The following UBE3D variants were observed in gnomAD, a reference collection of about 807,000 sequenced individuals.
UBE3D encodes the protein E3 ubiquitin-protein ligase E3D.
A neutral mutation model predicts 49.6 loss-of-function variants in UBE3D; 48 were observed. That is an observed-to-expected ratio of 0.97 (90% CI 0.77 to 1.23). UBE3D has a LOEUF of 1.23. Ranked by LOEUF, UBE3D falls within the 50% of genes most tolerant of loss-of-function variation. UBE3D has a pLI of 0.00. For missense variants in UBE3D, 452 were observed against 468.4 expected, an observed-to-expected ratio of 0.96 and a Z score of 0.32; for synonymous variants, 189 against 174.2, an observed-to-expected ratio of 1.08 and a Z score of -0.67.
chr6:82,935,000 CAA>C, intron 9 of UBE3D, among the ~76,000 whole-genome samples: 1 of 84,336 alleles, frequency 1.2e-5, no homozygotes, highest in Non-Finnish European at 2.7e-5. Flanking sequence ...AAGGAGAATG[CAA>C]GAATGACTCT....
At chr6:82,891,833 C>G (rs1345103443), downstream of UBE3D, among the ~76,000 whole-genome samples, 2 of 152,152 alleles carry the variant, frequency 1.3e-5, no homozygotes, top group Non-Finnish European at 2.9e-5. Context: ...CGAGACCAGC[C>G]TGGCCAATAT....
rs930167109 is a variant in UBE3D, at chr6:83,022,948, T to A, written c.738-387A>T. Reference sequence around the variant, plus strand: ...TCCTTCCAAACATCAGACAGTATTGTCTACATTTTCTTCCATTTGGATCTC... The same window carrying A: ...TCCTTCCAAACATCAGACAGTATTGACTACATTTTCTTCCATTTGGATCTC... On this transcript the variant is annotated intron_variant, in intron 6 of 9. Transcript: ENST00000369747. Among the ~76,000 whole-genome samples, 4 of 152,334 alleles carry A rather than the reference T, an allele frequency of 2.6e-5. No homozygotes were observed. The South Asian group carries it at 8.3e-4, about 32-fold the overall frequency.
At chr6:82,934,807 A>AATAGAACTCAATAGTGGAG (rs1774429433) in intron 9 of UBE3D, among the ~76,000 whole-genome samples, 1 of 148,966 alleles carries the variant, frequency 6.7e-6, no homozygotes, top group Non-Finnish European at 1.5e-5. Flanking sequence ...TAGCCACTGA[A>AATAGAACTCAATAGTGGAG]ATAGAACTCA....
At chr6:82,945,707 C>A (rs758577847) in intron 9 of UBE3D, among the ~76,000 whole-genome samples, 1 of 152,046 alleles carries the variant, frequency 6.6e-6, no homozygotes, top group Non-Finnish European at 1.5e-5. Context: ...GAAAGGTATG[C>A]GACTTTTTAG....
At chr6:83,049,167 A>G (rs1370170253) in intron 3 of UBE3D, among the ~76,000 whole-genome samples, 1 of 152,226 alleles carries the variant, frequency 6.6e-6, no homozygotes, top group Non-Finnish European at 1.5e-5. Flanking sequence ...TGTGAAAATA[A>G]AGGAACATAC....
chr6:83,062,411 C>T (rs1186304311), intron 1 of UBE3D, among the ~76,000 whole-genome samples: 4 of 152,150 alleles, frequency 2.6e-5, no homozygotes, highest in African/African-American at 9.7e-5. Flanking sequence ...CCAACCATCT[C>T]CATGGGAGGG....
At chr6:83,049,879 G>A in intron 3 of UBE3D, 1 of 458,688 alleles carries the variant, frequency 2.2e-6, no homozygotes, top group South Asian at 1.6e-5. Context: ...AGGACTATTT[G>A]GCTGTTTCTG....
chr6:83,045,507 A>T (rs537626019), intron 3 of UBE3D, among the ~76,000 whole-genome samples: 19 of 151,812 alleles, frequency 1.3e-4, no homozygotes, highest in African/African-American at 4.6e-4. Flanking sequence ...TGTGTTCTAT[A>T]TTAAGAGTAT....
intron 8 of UBE3D, among the ~76,000 whole-genome samples, chr6:82,988,019 T>C (rs1778639722): frequency 6.6e-6 from 1 of 152,228 alleles, no homozygotes; most frequent in Non-Finnish European, 1.5e-5. Flanking sequence ...TGCAAGTTAA[T>C]AGTATGTAAT....
chr6:83,049,672 C>T (rs1783329250), intron 3 of UBE3D: 1 of 418,832 alleles, frequency 2.4e-6, no homozygotes, highest in African/African-American at 2.1e-5. Context: ...TCTCAACGCC[C>T]TCATGAGATC....
intron 8 of UBE3D, among the ~76,000 whole-genome samples, chr6:82,995,721 G>A (rs181779962): frequency 2.6e-5 from 4 of 152,064 alleles, no homozygotes; most frequent in African/African-American, 4.8e-5. Context: ...AAAAACAAAC[G>A]CGTCAACTAG....
chr6:83,024,001 CTGAA>C lies in UBE3D; in HGVS notation c.701_704del (p.Ile234SerfsTer19). The C allele has an allele frequency of 6.5e-7, 1 of 1,536,774 alleles. No homozygotes were observed. Among genetic ancestry groups the C allele is most frequent in the Non-Finnish European group, 8.7e-7 (1 of 1,149,350 alleles). On this transcript the variant is annotated frameshift_variant, in exon 6 of 10. Transcript: ENST00000369747. LOFTEE classifies it high-confidence loss of function. ...TGATAGGAAAACTCCTCTCAGATGA[CTGAA>C]TAATTATCTCTGTCATATAAAACTT... is the stretch of plus-strand genomic sequence containing the variant.
intron 9 of UBE3D, among the ~76,000 whole-genome samples, chr6:82,902,504 C>CA (rs1390743652): frequency 5.9e-5 from 9 of 151,970 alleles, no homozygotes; most frequent in African/African-American, 2.2e-4. Context: ...TATGCTGAGT[C>CA]AAAAAAATCT....
At chr6:83,044,297 T>C in intron 4 of UBE3D, 131 bp downstream of exon 4, 1 of 814,242 alleles carries the variant, frequency 1.2e-6, no homozygotes, top group Admixed American at 2.7e-5. Flanking sequence ...ACGATAGCGA[T>C]GACAGTTGAA....
chr6:82,921,512 C>G (rs1773335814), intron 9 of UBE3D, among the ~76,000 whole-genome samples: 1 of 152,170 alleles, frequency 6.6e-6, no homozygotes, highest in African/African-American at 2.4e-5. Context: ...CCTTCTTCCT[C>G]CATACCACTC....
chr6:83,000,027 C>A (rs1209629186), intron 8 of UBE3D, among the ~76,000 whole-genome samples: 1 of 152,172 alleles, frequency 6.6e-6, no homozygotes, highest in African/African-American at 2.4e-5. Context: ...CTCTAAAAAG[C>A]AATACTGTTG....
intron 8 of UBE3D, chr6:83,018,729 C>T (rs1780866023): frequency 2.2e-6 from 1 of 447,690 alleles, no homozygotes. Context: ...GCCATATGTA[C>T]AGACAGCTTA....
chr6:82,886,919 T>A, the UBE3D span, among the ~76,000 whole-genome samples: 1 of 152,120 alleles, frequency 6.6e-6, no homozygotes, highest in Non-Finnish European at 1.5e-5. Flanking sequence ...ATTTCAAGAA[T>A]TTTTTTAACA....
intron 9 of UBE3D, among the ~76,000 whole-genome samples, chr6:82,940,941 G>A (rs756796763): frequency 3.9e-5 from 6 of 152,116 alleles, no homozygotes; most frequent in African/African-American, 7.2e-5. Flanking sequence ...GGCCGTGCAC[G>A]GTGCTTCACA....
Sources: gnomAD v4.1 joint callset for allele counts (sites outside exome capture counted in the v4.1 genomes callset) on GRCh38, gnomAD v4.1.1 for gene constraint, MANE v1.5 for transcripts, NCBI Gene and HGNC (gene_info 2026-07-23, HGNC 2026-07-21) for gene names.